PARPBP: variants seen among roughly 807,000 people sequenced by gnomAD.
PARPBP encodes the protein PCNA-interacting partner.
In PARPBP, 52 loss-of-function variants were observed where a neutral mutation model predicts 50.0. The observed-to-expected ratio is 1.04, with a 90% CI of 0.83 to 1.31. The LOEUF (loss-of-function observed/expected upper bound fraction) is 1.31, where lower values mean the gene tolerates loss of function less well. Among genes scored for constraint, PARPBP ranks in the 50% most tolerant of loss-of-function variants. The pLI is 0.00. For synonymous variants in PARPBP, 244 were observed against 232.1 expected, an observed-to-expected ratio of 1.05 and a Z score of -0.47; for missense variants, 697 against 672.0, an observed-to-expected ratio of 1.04 and a Z score of -0.41.
intron 2 of PARPBP, among the ~76,000 whole-genome samples, chr12:102,137,221 A>G (rs527311474): frequency 8.5e-5 from 13 of 152,232 alleles, no homozygotes; most frequent in African/African-American, 2.4e-4. Flanking sequence ...CCAAAGTGCT[A>G]AAATTACAGG....
chr12:102,130,385 A>G lies in PARPBP; in HGVS notation c.153+6344A>G, dbSNP rs138192777. On this transcript the variant is annotated intron_variant, in intron 2 of 10. Coordinates refer to ENST00000327680, the MANE Select transcript of PARPBP (RefSeq NM_017915.5). ...AATTGCAACAAAAGCAAAAATTGAC[A>G]AATGGGATCTAATTAAACTAGAGAG... is the stretch of plus-strand genomic sequence containing the variant. Among the ~76,000 whole-genome samples, 29 of 152,370 alleles carry G rather than the reference A, an allele frequency of 1.9e-4. No homozygotes were observed. The East Asian group carries it at 5.4e-3, about 28-fold the overall frequency.
chr12:102,145,357 G>A (rs1594499413), intron 2 of PARPBP, among the ~76,000 whole-genome samples: 1 of 152,034 alleles, frequency 6.6e-6, no homozygotes, highest in Non-Finnish European at 1.5e-5. Flanking sequence ...AGACAGCAAT[G>A]TATTACATTT....
chr12:102,169,135 T>C (rs1484133712), intron 6 of PARPBP, among the ~76,000 whole-genome samples: 1 of 152,170 alleles, frequency 6.6e-6, no homozygotes, highest in Non-Finnish European at 1.5e-5. Flanking sequence ...TTCCCTCTAC[T>C]GAAGCTATTC....
chr12:102,165,887 A>G lies in PARPBP; in HGVS notation c.821+4A>G. On this transcript the variant is annotated splice_donor_region_variant and intron_variant, in intron 6 of 10. Coordinates refer to ENST00000327680, the MANE Select transcript of PARPBP (RefSeq NM_017915.5). ...TTGGAGAAATACCAAACCCAAGGTA[A>G]TGACTTTTCATATATTACAAATATG... The G allele has an allele frequency of 6.7e-7, 1 of 1,488,592 alleles. No homozygotes were observed. The highest frequency in any genetic ancestry group is 9.3e-7 in the Non-Finnish European group (1 of 1,076,400). The allele number at this position is 1,488,592 out of a possible 1,614,324, so 92.2% of individuals were successfully genotyped here.
chr12:102,153,063 A>T (rs1323060898), intron 3 of PARPBP, among the ~76,000 whole-genome samples: 2 of 152,190 alleles, frequency 1.3e-5, no homozygotes, highest in Non-Finnish European at 2.9e-5. Context: ...AAACAAAAGC[A>T]GATAGCACCG....
intron 2 of PARPBP, among the ~76,000 whole-genome samples, chr12:102,138,669 G>A (rs1307781411): frequency 4.6e-5 from 7 of 152,162 alleles, no homozygotes; most frequent in Admixed American, 4.6e-4. Context: ...TTTGTATAAG[G>A]TGTAAGGAAG....
intron 2 of PARPBP, among the ~76,000 whole-genome samples, chr12:102,135,861 A>G (rs562988893): frequency 2.4e-4 from 37 of 152,132 alleles, no homozygotes; most frequent in Middle Eastern, 3.2e-3. Context: ...TTATTTCAGT[A>G]TCTTCTAGTT....
chr12:102,120,689 T>C (rs1019201357), intron 1 of PARPBP, among the ~76,000 whole-genome samples: 1 of 152,170 alleles, frequency 6.6e-6, no homozygotes, highest in African/African-American at 2.4e-5. Context: ...GATAATGATG[T>C]TGAGTGCAAT....
Position 102,164,436 on chromosome 12 carries a change from A to G in PARPBP, c.496-2A>G, listed in dbSNP as rs1887915831. ...AAATTAACTGAATATTTTATTGCAC[A>G]GGTGCAGCTGCTAGCAAGGAAAATT... On this transcript the variant is annotated splice_acceptor_variant, in intron 4 of 10. Transcript: ENST00000327680. LOFTEE classifies it high-confidence loss of function. 6.2e-7 allele frequency: 1 copy of G among 1,604,528 alleles called. No homozygotes were observed. Among genetic ancestry groups the G allele is most frequent in the Non-Finnish European group, 8.5e-7 (1 of 1,172,388 alleles).
At chr12:102,190,372 A>T (rs933884132) in intron 9 of PARPBP, among the ~76,000 whole-genome samples, 17 of 152,146 alleles carry the variant, frequency 1.1e-4, no homozygotes, top group South Asian at 2.1e-4. Flanking sequence ...GGAAAAAAAC[A>T]GACAAACCTT....
rs374685107 is a variant in PARPBP at position 102,143,505 on chromosome 12, A to G, written c.154-4725A>G. 1.6e-3 allele frequency among the ~76,000 whole-genome samples: 247 copies of G among 152,254 alleles called. 1 individual carries two copies. The highest frequency in any genetic ancestry group is 4.8e-3 in the African/African-American group (198 of 41,540). On this transcript the variant is annotated intron_variant, in intron 2 of 10. Transcript: ENST00000327680. ...TGCACCCACTGTCTGACAAGCCCCA[A>G]TGAGATGAACCCGGTACCTCAGTTG...
At chr12:102,130,945 T>G (rs1882764397) in intron 2 of PARPBP, among the ~76,000 whole-genome samples, 1 of 151,168 alleles carries the variant, frequency 6.6e-6, no homozygotes, top group Non-Finnish European at 1.5e-5. Flanking sequence ...AACAAGCATA[T>G]GAAAAAAAGC....
At chr12:102,145,102 G>A (rs1885171461) in intron 2 of PARPBP, among the ~76,000 whole-genome samples, 1 of 152,052 alleles carries the variant, frequency 6.6e-6, no homozygotes, top group African/African-American at 2.4e-5. Flanking sequence ...TGGATAGTAA[G>A]TACTACCAGT....
At chr12:102,167,391 T>G (rs1888248483) in intron 6 of PARPBP, among the ~76,000 whole-genome samples, 1 of 152,148 alleles carries the variant, frequency 6.6e-6, no homozygotes, top group African/African-American at 2.4e-5. Flanking sequence ...TTATCTAGAT[T>G]GGATGCTTTT....
Position 102,178,574 on chromosome 12 carries a change from A to T in PARPBP, c.1006-18A>T. On this transcript the variant is annotated intron_variant, in intron 7 of 10. Coordinates refer to ENST00000327680, the MANE Select transcript of PARPBP (RefSeq NM_017915.5). Reference sequence around the variant, plus strand: ...TGGGGTGATTATTACATTTACCTAAAATTATTTTTTGTCTCAGCCAAAATC... The same window carrying T: ...TGGGGTGATTATTACATTTACCTAATATTATTTTTTGTCTCAGCCAAAATC... The T allele has an allele frequency of 1.3e-6, 2 of 1,539,036 alleles. No individual in the cohort carries two copies. The highest frequency in any genetic ancestry group is 1.8e-6 in the Non-Finnish European group (2 of 1,137,164).
chr12:102,181,840 A>G (rs1422502631), intron 8 of PARPBP, among the ~76,000 whole-genome samples: 1 of 152,178 alleles, frequency 6.6e-6, no homozygotes, highest in Non-Finnish European at 1.5e-5. Flanking sequence ...TCAAGGCACC[A>G]GCAGATTTGG....
chr12:102,158,625 C>T (rs566975512), intron 4 of PARPBP, among the ~76,000 whole-genome samples: 1 of 151,726 alleles, frequency 6.6e-6, no homozygotes, highest in South Asian at 2.1e-4. Context: ...CTTACATTTC[C>T]TTTCTTTTCC....
chr12:102,140,635 C>T (rs775517440), intron 2 of PARPBP, among the ~76,000 whole-genome samples: 18 of 152,138 alleles, frequency 1.2e-4, no homozygotes, highest in Admixed American at 4.6e-4. Context: ...CTATAAATTT[C>T]CCTCTACACA....
At chr12:102,155,179 A>C (rs1436419210) in intron 4 of PARPBP, 1 of 158,656 alleles carries the variant, frequency 6.3e-6, no homozygotes, top group Non-Finnish European at 1.4e-5. Flanking sequence ...GCTACTTGGG[A>C]GGCTGAGGCA....
Sources: allele counts gnomAD v4.1 joint callset (sites outside exome capture counted in the v4.1 genomes callset), GRCh38; gene constraint gnomAD v4.1.1; transcripts MANE v1.5; gene names NCBI Gene and HGNC (gene_info 2026-07-23, HGNC 2026-07-21).